Variants in RHBDF2 observed in about 807,000 individuals in gnomAD.
RHBDF2 encodes inactive rhomboid protein 2.
Under a neutral mutation model 95.2 loss-of-function variants are expected in RHBDF2, and 38 were observed. The observed-to-expected ratio is 0.40, with a 90% CI of 0.31 to 0.52. The LOEUF (loss-of-function observed/expected upper bound fraction) is 0.52. Ranked by LOEUF, RHBDF2 falls within the 20% of genes least tolerant of loss-of-function variation. The probability of loss-of-function intolerance (pLI) is 0.56; values close to 1 mark genes in which losing one functional copy is unlikely to be tolerated. For synonymous variants in RHBDF2, 442 were observed against 462.0 expected (o/e 0.96, Z 0.55); for missense variants, 863 against 1,137.7 (o/e 0.76, Z 3.47).
chr17:76,481,570 C>T lies in RHBDF2; in HGVS notation c.-21-25G>A, dbSNP rs370976955. On this transcript the variant is annotated intron_variant, in intron 2 of 18. Transcript: ENST00000675367. The stretch of plus-strand genomic sequence containing the variant: ...GCTGGAATGGAGACCGGGAGAGCAG[C>T]GGTGGGCGGTGCGGGGTGGCGCAGT... The T allele has an allele frequency of 6.5e-5, 103 of 1,584,020 alleles. No individual in the cohort carries two copies. The African/African-American group carries it at 7.9e-4, about 12-fold the overall frequency.
intron 1 of RHBDF2, among the ~76,000 whole-genome samples, chr17:76,496,515 A>T (rs1281114278): frequency 1.3e-5 from 2 of 152,222 alleles, no homozygotes; most frequent in Admixed American, 1.3e-4. Flanking sequence ...TGCTGGAGTG[A>T]GTCCTGCATG....
intron 2 of RHBDF2, 138 bp from the exon 3 acceptor site, chr17:76,481,683 G>A (rs966226011): frequency 2.8e-5 from 20 of 718,724 alleles, no homozygotes; most frequent in East Asian, 8.7e-5. Flanking sequence ...GGCTGGGCGC[G>A]GTGGCTCACG....
At chr17:76,481,228 G>C (rs867405353) in intron 3 of RHBDF2, 147 bp downstream of exon 3, 3 of 871,508 alleles carry the variant, frequency 3.4e-6, no homozygotes, top group Admixed American at 2.6e-5. Flanking sequence ...CAGGAAGGAG[G>C]GGGTAGGGCC....
At chr17:76,489,790 G>A (rs1346388894) in intron 1 of RHBDF2, among the ~76,000 whole-genome samples, 2 of 152,212 alleles carry the variant, frequency 1.3e-5, no homozygotes, top group South Asian at 2.1e-4. Flanking sequence ...TGACATTAGC[G>A]TCTCTTCCAT....
At chr17:76,487,089 G>A (rs1179239304) in intron 2 of RHBDF2, among the ~76,000 whole-genome samples, 2 of 150,338 alleles carry the variant, frequency 1.3e-5, no homozygotes, top group Non-Finnish European at 2.9e-5. Context: ...CTCCCGAGTA[G>A]TTGGGATTAC....
chr17:76,476,995 C>G lies in RHBDF2; in HGVS notation c.950G>C (p.Gly317Ala), dbSNP rs780222606. ...LKEYGRAPVP[G>A]PRRGKRIASK... Reference sequence around the variant, plus strand: ...GGCGATGCGCTTGCCGCGCCGGGGCCCGGGGACTGGGGCTCGGCCATACTC... The same window carrying G: ...GGCGATGCGCTTGCCGCGCCGGGGCGCGGGGACTGGGGCTCGGCCATACTC... The change falls in exon 9 of 19, where the codon GGG becomes GCG. Residue 317 changes from glycine (G) to alanine (A), a missense_variant. Physicochemically the swap from Gly to Ala is moderately conservative, Grantham distance 60 (BLOSUM62 0). Coordinates refer to ENST00000675367, the MANE Select transcript of RHBDF2 (RefSeq NM_001005498.4). 1 of 1,613,742 alleles carries G rather than the reference C, an allele frequency of 6.2e-7. No homozygotes were observed. Among genetic ancestry groups the G allele is most frequent in the East Asian group, 2.2e-5 (1 of 44,896 alleles).
chr17:76,483,256 G>A (rs901062080), intron 2 of RHBDF2, among the ~76,000 whole-genome samples: 4 of 152,086 alleles, frequency 2.6e-5, no homozygotes, highest in Non-Finnish European at 4.4e-5. Flanking sequence ...ATCTTTCCCT[G>A]TCAACACATA....
Position 76,477,111 on chromosome 17 carries a change from A to G in RHBDF2, c.920+69T>C. 2.5e-6 allele frequency: 4 copies of G among 1,610,464 alleles called. 1 individual carries two copies. In the South Asian group the frequency reaches 3.3e-5, roughly 13 times the overall value. On this transcript the variant is annotated intron_variant, in intron 8 of 18. Transcript: ENST00000675367. The stretch of plus-strand genomic sequence containing the variant: ...GGTGCTCAGAAGGGGCTTGGGGGCC[A>G]GGGTGAGGTCTGGGGATGCCCCCAG...
At chr17:76,482,007 C>T (rs944317903) in intron 2 of RHBDF2, 1 of 97,210 alleles carries the variant, frequency 1.0e-5, no homozygotes, top group Admixed American at 1.1e-4. Context: ...ACACACAAAA[C>T]CAAAAACAAA....
chr17:76,472,984 G>A (rs1414186262), intron 17 of RHBDF2, 21 bp downstream of exon 17: 1 of 1,610,160 alleles, frequency 6.2e-7, no homozygotes, highest in Non-Finnish European at 8.5e-7. Flanking sequence ...TCGGGTTCGG[G>A]GGCAGTGAGG....
Position 76,479,242 on chromosome 17 carries a change from C to T in RHBDF2, c.308G>A (p.Trp103Ter). The change falls in exon 5 of 19, where the codon TGG becomes TAG. Residue 103 changes from tryptophan (W) to a stop codon, truncating the protein, a stop_gained. Coordinates refer to ENST00000675367, the MANE Select transcript of RHBDF2 (RefSeq NM_001005498.4). LOFTEE classifies it high-confidence loss of function. ...CTGCCACTGCTGCCGCTGCCCCTCC[C>T]AGTCGCCGCTGACTCCAAACCACTG... ...AAQWFGVSGDWEGQRQQWQRR... is the reference protein window; with the variant it reads ...AAQWFGVSGD 6.2e-7 allele frequency: 1 copy of T among 1,607,306 alleles called. No homozygotes were observed. The highest frequency in any genetic ancestry group is 8.5e-7 in the Non-Finnish European group (1 of 1,179,288).
chr17:76,482,837 G>A (rs1181863256), intron 2 of RHBDF2, among the ~76,000 whole-genome samples: 4 of 150,570 alleles, frequency 2.7e-5, no homozygotes, highest in African/African-American at 9.8e-5. Flanking sequence ...TGAGAACACT[G>A]TTTAACAATA....
chr17:76,483,471 G>A (rs2074030531), intron 2 of RHBDF2, among the ~76,000 whole-genome samples: 1 of 152,082 alleles, frequency 6.6e-6, no homozygotes, highest in Non-Finnish European at 1.5e-5. Flanking sequence ...TTTTAGTAGA[G>A]ATGGGGTTTC....
chr17:76,477,344 A>G (rs1382641641), intron 7 of RHBDF2, 46 bp from the exon 8 acceptor site: 1 of 1,590,206 alleles, frequency 6.3e-7, no homozygotes, highest in East Asian at 2.2e-5. Flanking sequence ...TCTGTCCCAA[A>G]CACTGCCCCC....
intron 9 of RHBDF2, among the ~76,000 whole-genome samples, 199 bp from the exon 10 acceptor site, chr17:76,475,340 C>T (rs2073737394): frequency 6.6e-6 from 1 of 152,232 alleles, no homozygotes. Context: ...GATAGCTTTC[C>T]ACTGGCCTTG....
chr17:76,475,242 T>C, intron 9 of RHBDF2, 101 bp from the exon 10 acceptor site: 1 of 778,576 alleles, frequency 1.3e-6, no homozygotes, highest in Non-Finnish European at 2.2e-6. Context: ...TCGCCTGGGC[T>C]CCCTGTTCTG....
At chr17:76,484,360 AC>A (rs1259121519) in intron 2 of RHBDF2, among the ~76,000 whole-genome samples, 3 of 152,008 alleles carry the variant, frequency 2.0e-5, no homozygotes, top group Non-Finnish European at 4.4e-5. Flanking sequence ...CTCTCCTTGT[AC>A]GAAGCCAGGG....
At position 76,479,719 on chromosome 17, in the gene RHBDF2, G is replaced by A. The variant is rs1423695293; in HGVS notation, c.272+14C>T. ...TGGGTGGGGGGTGCTGGGCTTGGGT[G>A]TAGGGGGGCTCACTTGCGGATGCTC... is the stretch of plus-strand genomic sequence containing the variant. On this transcript the variant is annotated intron_variant, in intron 4 of 18. Transcript: ENST00000675367. The A allele has an allele frequency of 1.3e-6, 2 of 1,598,744 alleles. No homozygotes were observed. Among genetic ancestry groups the A allele is most frequent in the South Asian group, 1.1e-5 (1 of 90,702 alleles).
intron 1 of RHBDF2, among the ~76,000 whole-genome samples, chr17:76,497,050 C>T (rs924352263): frequency 2.6e-5 from 4 of 152,132 alleles, no homozygotes; most frequent in African/African-American, 9.7e-5. Context: ...CGTGAGCCAC[C>T]GCGCCTGGCC....
Sources: allele counts gnomAD v4.1 joint callset (sites outside exome capture counted in the v4.1 genomes callset), GRCh38; gene constraint gnomAD v4.1.1; transcripts MANE v1.5; gene names NCBI Gene and HGNC (gene_info 2026-07-23, HGNC 2026-07-21).